METTL15: variants seen among roughly 807,000 people sequenced by gnomAD.
The protein encoded by METTL15 is 12S rRNA N(4)-cytidine methyltransferase METTL15.
In METTL15, 34 loss-of-function variants were observed where a neutral mutation model predicts 38.3. That is an observed-to-expected ratio of 0.89 (90% CI 0.68 to 1.18). METTL15 has a LOEUF of 1.18. METTL15 is among the 50% of genes most tolerant of loss of function. The pLI, the probability that METTL15 is intolerant of heterozygous loss-of-function variation, is 0.00. For synonymous variants in METTL15, 162 were observed against 170.9 expected (o/e 0.95, Z 0.41); for missense variants, 438 against 498.4 (o/e 0.88, Z 1.15).
At chr11:28,140,885 G>A (rs1169758024) in intron 3 of METTL15, among the ~76,000 whole-genome samples, 3 of 152,172 alleles carry the variant, frequency 2.0e-5, no homozygotes, top group Non-Finnish European at 4.4e-5. Context: ...TTTAGGCAAA[G>A]CTCCTGTTCA....
chr11:28,342,862 CAT>C (rs778415884), intron 3 of METTL15, among the ~76,000 whole-genome samples: 17 of 151,994 alleles, frequency 1.1e-4, no homozygotes, highest in Non-Finnish European at 2.5e-4. Flanking sequence ...TGTTCTGTCA[CAT>C]ATCTTTGTCG....
At chr11:28,113,877 T>C (rs1055685287) in intron 3 of METTL15, among the ~76,000 whole-genome samples, 2 of 152,156 alleles carry the variant, frequency 1.3e-5, no homozygotes, top group Non-Finnish European at 2.9e-5. Context: ...TGTTAGCTGA[T>C]TTTGCCTAAC....
chr11:28,222,283 C>T (rs1853270561), intron 4 of METTL15, among the ~76,000 whole-genome samples: 1 of 152,292 alleles, frequency 6.6e-6, no homozygotes, highest in South Asian at 2.1e-4. Flanking sequence ...TGGCTGCTCC[C>T]TTGCCGTTTG....
intron 4 of METTL15, 86 bp downstream of exon 4, chr11:28,211,284 G>T (rs1015212766): frequency 8.6e-5 from 108 of 1,250,954 alleles, no homozygotes; most frequent in Non-Finnish European, 1.0e-4. Flanking sequence ...GTTCTGCTTT[G>T]CATGGGCTAT....
At chr11:28,187,911 G>A (rs1383763992) in intron 3 of METTL15, among the ~76,000 whole-genome samples, 1 of 151,078 alleles carries the variant, frequency 6.6e-6, no homozygotes, top group African/African-American at 2.4e-5. Flanking sequence ...TTTTTAAAAT[G>A]TATCTTCTGA....
At chr11:28,361,657 G>T (rs1850139841) in intron 4 of METTL15, among the ~76,000 whole-genome samples, 1 of 152,082 alleles carries the variant, frequency 6.6e-6, no homozygotes, top group East Asian at 1.9e-4. Context: ...TTCTTTTCTG[G>T]GTAGGGGGAG....
chr11:28,436,915 A>G (rs867225948), intron 6 of METTL15, among the ~76,000 whole-genome samples: 2 of 152,166 alleles, frequency 1.3e-5, no homozygotes, highest in African/African-American at 2.4e-5. Flanking sequence ...CCCATCCTCA[A>G]TCTGGGTGGG....
chr11:28,301,114 A>G (rs1288065057), intron 6 of METTL15, among the ~76,000 whole-genome samples: 2 of 152,102 alleles, frequency 1.3e-5, no homozygotes, highest in Non-Finnish European at 2.9e-5. Flanking sequence ...TCCTCCATGA[A>G]CTGGCTCCTA....
intron 5 of METTL15, among the ~76,000 whole-genome samples, chr11:28,291,646 T>C (rs772435196): frequency 9.9e-5 from 15 of 152,268 alleles, no homozygotes; most frequent in Middle Eastern, 6.8e-3. Context: ...ATTCACAGAA[T>C]GAAGAATGTA....
chr11:28,168,397 G>A (rs1291475702), intron 3 of METTL15, among the ~76,000 whole-genome samples: 2 of 150,354 alleles, frequency 1.3e-5, no homozygotes, highest in African/African-American at 4.9e-5. Flanking sequence ...ATTGAGTAGG[G>A]TAAGTAATGA....
intron 5 of METTL15, among the ~76,000 whole-genome samples, chr11:28,363,745 C>T (rs1564907053): frequency 6.6e-6 from 1 of 152,064 alleles, no homozygotes; most frequent in Non-Finnish European, 1.5e-5. Context: ...GGGTCTTAGA[C>T]ATATCTTTGC....
intron 4 of METTL15, among the ~76,000 whole-genome samples, chr11:28,248,103 G>T (rs1376616386): frequency 6.6e-6 from 1 of 152,052 alleles, no homozygotes; most frequent in Non-Finnish European, 1.5e-5. Context: ...AAAACCTTCA[G>T]TCACTTCTCA....
intron 3 of METTL15, among the ~76,000 whole-genome samples, chr11:28,117,245 G>GTT (rs1284682928): frequency 0.078 from 4,099 of 52,484 alleles, 102 homozygotes; most frequent in African/African-American, 0.12. Flanking sequence ...ATGTGTGTGT[G>GTT]TGTGTGTGTG....
intron 3 of METTL15, among the ~76,000 whole-genome samples, chr11:28,172,404 G>A (rs1850892433): frequency 6.6e-6 from 1 of 152,022 alleles, no homozygotes; most frequent in African/African-American, 2.4e-5. Flanking sequence ...AGCTTCAAAA[G>A]CATCACAGCA....
At chr11:28,479,860 A>C (rs187607972) in intron 6 of METTL15, among the ~76,000 whole-genome samples, 69 of 152,254 alleles carry the variant, frequency 4.5e-4, no homozygotes, top group African/African-American at 1.6e-3. Flanking sequence ...AATATGCAAT[A>C]CTCTTTATTG....
intron 4 of METTL15, among the ~76,000 whole-genome samples, chr11:28,270,134 A>G (rs1855584250): frequency 6.6e-6 from 1 of 152,156 alleles, no homozygotes; most frequent in South Asian, 2.1e-4. Context: ...TAATCCTCAC[A>G]TATTGTTGAA....
At chr11:28,453,860 TTGG>T (rs1851145403) in intron 6 of METTL15, among the ~76,000 whole-genome samples, 2 of 152,300 alleles carry the variant, frequency 1.3e-5, no homozygotes, top group East Asian at 3.9e-4. Flanking sequence ...ATCTGTTTGG[TTGG>T]TTGGTTGGTT....
At chr11:28,135,352 A>G (rs952844140) in intron 3 of METTL15, among the ~76,000 whole-genome samples, 2 of 152,156 alleles carry the variant, frequency 1.3e-5, no homozygotes, top group Admixed American at 1.3e-4. Flanking sequence ...TAAGACCTTT[A>G]AAAGCTGAGC....
chr11:28,515,468 T>C (rs1851712017), intron 6 of METTL15, among the ~76,000 whole-genome samples: 1 of 152,244 alleles, frequency 6.6e-6, no homozygotes, highest in Non-Finnish European at 1.5e-5. Flanking sequence ...CTCAGCCTTC[T>C]TTTATCTCAT....
Sources: allele counts gnomAD v4.1 joint callset (sites outside exome capture counted in the v4.1 genomes callset), GRCh38; gene constraint gnomAD v4.1.1; transcripts MANE v1.5; gene names NCBI Gene and HGNC (gene_info 2026-07-23, HGNC 2026-07-21).